The following EPB41L4B variants were observed in gnomAD, a reference collection of about 807,000 sequenced individuals.
EPB41L4B encodes the protein band 4.1-like protein 4B.
Under a neutral mutation model 112.5 loss-of-function variants are expected in EPB41L4B, and 30 were observed. The observed-to-expected ratio is 0.27, with a 90% CI of 0.20 to 0.36. EPB41L4B has a LOEUF of 0.36. Among genes scored for constraint, EPB41L4B ranks in the 10% least tolerant of loss-of-function variants. The probability of loss-of-function intolerance (pLI) is 1.00; values close to 1 mark genes in which losing one functional copy is unlikely to be tolerated. For synonymous variants in EPB41L4B, 408 were observed against 439.7 expected, an observed-to-expected ratio of 0.93 and a Z score of 0.90; for missense variants, 1,024 against 1,133.3, an observed-to-expected ratio of 0.90 and a Z score of 1.38.
chr9:109,246,517 GCAGA>G (rs752599736), intron 14 of EPB41L4B, among the ~76,000 whole-genome samples: 2 of 152,232 alleles, frequency 1.3e-5, no homozygotes, highest in African/African-American at 2.4e-5. Context: ...GGAATTCCAG[GCAGA>G]CAAACACGGG....
chr9:109,193,665 A>C (rs537546727), intron 21 of EPB41L4B, among the ~76,000 whole-genome samples: 1 of 152,372 alleles, frequency 6.6e-6, no homozygotes, highest in East Asian at 1.9e-4. Flanking sequence ...ATTGCCAAAG[A>C]GTAATCGTAG....
intron 15 of EPB41L4B, among the ~76,000 whole-genome samples, chr9:109,234,371 G>A (rs747117559): frequency 8.5e-5 from 13 of 152,166 alleles, no homozygotes; most frequent in Non-Finnish European, 1.2e-4. Context: ...ACTTGAGGGA[G>A]TTGATGCAGC....
intron 1 of EPB41L4B, among the ~76,000 whole-genome samples, chr9:109,305,643 C>T (rs1237900472): frequency 6.6e-6 from 1 of 151,152 alleles, no homozygotes; most frequent in African/African-American, 2.4e-5. Flanking sequence ...AAATAAAAGG[C>T]CAGGCGTGGT....
intron 15 of EPB41L4B, among the ~76,000 whole-genome samples, chr9:109,219,953 T>C (rs534255707): frequency 6.6e-6 from 1 of 152,164 alleles, no homozygotes; most frequent in African/African-American, 2.4e-5. Context: ...CTGAGGCCAA[T>C]GCACAAAGAA....
chr9:109,313,554 T>C (rs903592277), intron 1 of EPB41L4B, among the ~76,000 whole-genome samples: 1 of 152,204 alleles, frequency 6.6e-6, no homozygotes, highest in African/African-American at 2.4e-5. Context: ...GCAGCTGCTT[T>C]CAGATGCAAG....
At chr9:109,248,735 G>A (rs180721753) in intron 13 of EPB41L4B, among the ~76,000 whole-genome samples, 188 of 152,184 alleles carry the variant, frequency 1.2e-3, no homozygotes, top group African/African-American at 4.4e-3. Flanking sequence ...ATGAGCCACT[G>A]TGCTTGGCTG....
Position 109,208,058 on chromosome 9 carries a change from A to C in EPB41L4B, c.1753-9T>G. On this transcript the variant is annotated splice_polypyrimidine_tract_variant and intron_variant, in intron 17 of 25. Coordinates refer to ENST00000374566, the MANE Select transcript of EPB41L4B (RefSeq NM_019114.5). ...ACTTTCTTTTCTTCAGCCTGAGACA[A>C]ACCAAAATACAAACAGCAGATTGTA... The C allele has an allele frequency of 1.2e-6, 2 of 1,613,396 alleles. No individual in the cohort carries two copies. The highest frequency in any genetic ancestry group is 1.7e-6 in the Non-Finnish European group (2 of 1,179,846).
chr9:109,175,158 C>A (rs1588110752), intron 25 of EPB41L4B, among the ~76,000 whole-genome samples: 1 of 152,038 alleles, frequency 6.6e-6, no homozygotes, highest in East Asian at 1.9e-4. Flanking sequence ...CTCAGGCAAT[C>A]CACTTGCCTC....
At chr9:109,233,028 C>T (rs1834006304) in intron 15 of EPB41L4B, among the ~76,000 whole-genome samples, 1 of 152,186 alleles carries the variant, frequency 6.6e-6, no homozygotes, top group Admixed American at 6.5e-5. Flanking sequence ...ATAGCAACAC[C>T]TCTTGCTTTT....
chr9:109,275,562 C>T (rs1226138167), intron 2 of EPB41L4B, among the ~76,000 whole-genome samples: 4 of 152,204 alleles, frequency 2.6e-5, no homozygotes, highest in Admixed American at 2.0e-4. Context: ...ACCTTCTTAG[C>T]ATGCTCACCC....
chr9:109,285,728 A>G (rs577790933), intron 1 of EPB41L4B, among the ~76,000 whole-genome samples: 1 of 152,086 alleles, frequency 6.6e-6, no homozygotes, highest in South Asian at 2.1e-4. Flanking sequence ...CCCTCTCAAA[A>G]CTAAGAAAGC....
At chr9:109,293,282 A>G (rs999131881) in intron 1 of EPB41L4B, among the ~76,000 whole-genome samples, 3 of 152,246 alleles carry the variant, frequency 2.0e-5, no homozygotes, top group Non-Finnish European at 4.4e-5. Flanking sequence ...GTTTTTCATA[A>G]TTTAAAAAAT....
intron 1 of EPB41L4B, among the ~76,000 whole-genome samples, chr9:109,296,487 T>C (rs1836733754): frequency 6.6e-6 from 1 of 152,196 alleles, no homozygotes; most frequent in Non-Finnish European, 1.5e-5. Flanking sequence ...TTAAAAGGAT[T>C]ATATGAAATG....
intron 1 of EPB41L4B, among the ~76,000 whole-genome samples, 170 bp downstream of exon 1, chr9:109,319,971 G>A (rs184337033): frequency 6.6e-6 from 1 of 152,284 alleles, no homozygotes; most frequent in East Asian, 2.0e-4. Context: ...AAGAGACCGG[G>A]ACGGGGTGGC....
chr9:109,265,164 T>C, intron 4 of EPB41L4B, 140 bp from the exon 5 acceptor site: 1 of 652,618 alleles, frequency 1.5e-6, no homozygotes, highest in Non-Finnish European at 2.6e-6. Context: ...AAATGAGAAC[T>C]TTGGTGGAAG....
chr9:109,186,612 C>T (rs1832277238), intron 22 of EPB41L4B, among the ~76,000 whole-genome samples: 1 of 152,014 alleles, frequency 6.6e-6, no homozygotes, highest in African/African-American at 2.4e-5. Flanking sequence ...GTAGCTGGGA[C>T]TACAGATATG....
chr9:109,303,063 T>C (rs1837035387), intron 1 of EPB41L4B, among the ~76,000 whole-genome samples: 1 of 142,400 alleles, frequency 7.0e-6, no homozygotes, highest in East Asian at 2.1e-4. Flanking sequence ...CCTGGGTGAC[T>C]GACTGAGACC....
Position 109,255,779 on chromosome 9 carries a change from C to T in EPB41L4B, c.994G>A (p.Asp332Asn). Residue 332 changes from aspartate to asparagine, a missense_variant, in exon 10 of 26, where the codon GAT becomes AAT. Physicochemically the swap from Asp to Asn is conservative, Grantham distance 23 (BLOSUM62 1). Transcript: ENST00000374566. ...GAAATGGGAGCCAGGCCTACCTGAT[C>T]ATCATCCTCGACCACCACGAGTGTC... is the stretch of plus-strand genomic sequence containing the variant. ...KLTLVVVEDD[D>N]QGREQEHTFV... is the part of the protein sequence containing the mutation. 6.2e-7 allele frequency: 1 copy of T among 1,613,814 alleles called. No homozygotes were observed. The highest frequency in any genetic ancestry group is 1.1e-5 in the South Asian group (1 of 90,926).
At chr9:109,315,158 C>A (rs552566326) in intron 1 of EPB41L4B, among the ~76,000 whole-genome samples, 1 of 152,164 alleles carries the variant, frequency 6.6e-6, no homozygotes, top group Non-Finnish European at 1.5e-5. Context: ...AGACTGCCAA[C>A]CCCCCTACCA....
Sources: gnomAD v4.1 joint callset for allele counts (sites outside exome capture counted in the v4.1 genomes callset) on GRCh38, gnomAD v4.1.1 for gene constraint, MANE v1.5 for transcripts, NCBI Gene and HGNC (gene_info 2026-07-23, HGNC 2026-07-21) for gene names.